The following NRP1 variants were observed in gnomAD, a reference collection of about 807,000 sequenced individuals.
NRP1 encodes neuropilin 1.
A neutral mutation model predicts 106.7 loss-of-function variants in NRP1; 35 were observed. That is an observed-to-expected ratio of 0.33 (90% CI 0.25 to 0.43). NRP1 has a LOEUF of 0.43. Ranked by LOEUF, NRP1 falls within the 20% of genes least tolerant of loss-of-function variation. The pLI is 1.00. For synonymous variants in NRP1, 437 were observed against 417.9 expected (o/e 1.05, Z -0.56); for missense variants, 1,024 against 1,170.4 (o/e 0.87, Z 1.83).
chr10:33,326,431 C>T (rs1056089948), intron 2 of NRP1, among the ~76,000 whole-genome samples: 24 of 152,132 alleles, frequency 1.6e-4, no homozygotes, highest in African/African-American at 5.3e-4. Flanking sequence ...CACAAGTGTG[C>T]AGGATTTTGC....
intron 15 of NRP1, among the ~76,000 whole-genome samples, chr10:33,184,541 C>T (rs1053359089): frequency 1.3e-5 from 2 of 152,198 alleles, no homozygotes; most frequent in Admixed American, 6.5e-5. Context: ...TGTGTTACTA[C>T]ATGAAATACA....
intron 4 of NRP1, among the ~76,000 whole-genome samples, chr10:33,259,417 T>C (rs2133214173): frequency 6.6e-6 from 1 of 152,290 alleles, no homozygotes; most frequent in South Asian, 2.1e-4. Context: ...GCAATATTGA[T>C]CTGAGCGAGA....
At position 33,186,505 on chromosome 10, in the gene NRP1, CTG is replaced by C. The variant is rs1162380302; in HGVS notation, c.2063-19_2063-18del. On this transcript the variant is annotated intron_variant, in intron 13 of 16. Coordinates refer to ENST00000374867, the MANE Select transcript of NRP1 (RefSeq NM_003873.7). ...TGCCATCTCCTGCTGTGACAAAGAA[CTG>C]TGTTAGGGAGAGTGGCCAGGATTAC... 1 of 1,602,072 alleles carries C rather than the reference CTG, an allele frequency of 6.2e-7. No individual in the cohort carries two copies. The highest frequency in any genetic ancestry group is 8.5e-7 in the Non-Finnish European group (1 of 1,173,130).
chr10:33,182,833 GCACACACA>G (rs148435065), intron 15 of NRP1, 85 bp from the exon 16 acceptor site: 221 of 747,348 alleles, frequency 3.0e-4, no homozygotes, highest in African/African-American at 1.9e-3. Flanking sequence ...TTAGGTACAT[GCACACACA>G]CACACACACA....
At chr10:33,237,308 T>C (rs77906472) in intron 6 of NRP1, among the ~76,000 whole-genome samples, 10,674 of 152,042 alleles carry the variant, frequency 0.07, 556 homozygotes, top group African/African-American at 0.14. Flanking sequence ...AAGTGGGGCA[T>C]TATGGGATTC....
chr10:33,193,807 T>A (rs1836584704), intron 12 of NRP1, among the ~76,000 whole-genome samples: 1 of 152,130 alleles, frequency 6.6e-6, no homozygotes, highest in African/African-American at 2.4e-5. Flanking sequence ...TAAGAATGAT[T>A]TACTTTGCAT....
chr10:33,204,652 G>GA (rs901144528), intron 10 of NRP1, among the ~76,000 whole-genome samples: 65 of 149,414 alleles, frequency 4.4e-4, no homozygotes, highest in Non-Finnish European at 7.9e-4. Context: ...AGATTCAACG[G>GA]AAAAAAAAAG....
intron 6 of NRP1, 77 bp from the exon 7 acceptor site, chr10:33,226,366 C>A: frequency 1.3e-6 from 2 of 1,529,820 alleles, no homozygotes. Flanking sequence ...CCTGTGGGCT[C>A]CACGTTGTGG....
chr10:33,204,443 G>A lies in NRP1; in HGVS notation c.1760-1448C>T, dbSNP rs1287177050. On this transcript the variant is annotated intron_variant, in intron 10 of 16. Transcript: ENST00000374867. ...ACCCGAATTCTGGCCTGTATTTATT[G>A]CTCTTGCTGAAACAGTAGTATCTCC... 2.0e-5 allele frequency among the ~76,000 whole-genome samples: 3 copies of A among 152,262 alleles called. No homozygotes were observed. The East Asian group carries it at 5.8e-4, about 29-fold the overall frequency.
chr10:33,193,234 G>T (rs1452241717), intron 12 of NRP1, among the ~76,000 whole-genome samples: 1 of 152,026 alleles, frequency 6.6e-6, no homozygotes, highest in Non-Finnish European at 1.5e-5. Context: ...GCCCTACAAG[G>T]TGCTGTTGGA....
intron 12 of NRP1, among the ~76,000 whole-genome samples, chr10:33,192,859 A>G (rs1479703550): frequency 2.0e-5 from 3 of 152,224 alleles, no homozygotes; most frequent in Admixed American, 6.5e-5. Context: ...TCAAAAGTGG[A>G]AAGTAACTTG....
At chr10:33,316,918 G>A (rs1847079385) in intron 2 of NRP1, among the ~76,000 whole-genome samples, 1 of 152,182 alleles carries the variant, frequency 6.6e-6, no homozygotes, top group African/African-American at 2.4e-5. Flanking sequence ...GTGGAGTTCT[G>A]AACTGCAGTC....
chr10:33,256,403 G>T lies in NRP1; in HGVS notation c.727C>A (p.Leu243Ile). The T allele has an allele frequency of 6.2e-7, 1 of 1,614,202 alleles. No homozygotes were observed. The highest frequency in any genetic ancestry group is 8.5e-7 in the Non-Finnish European group (1 of 1,180,026). The change falls in exon 5 of 17, where the codon CTC becomes ATC. Residue 243 changes from leucine (L) to isoleucine (I), a missense_variant. Around this residue, in one of 5 missense-constraint regions of NRP1, gnomAD observed 279 missense variants for 327.4 expected, o/e 0.85. Coordinates refer to ENST00000374867, the MANE Select transcript of NRP1 (RefSeq NM_003873.7). ...CTGTCGGTGTAAAAAACCATGGAGAGAATGCCCGATGAGGATCGGATTCGA... is the reference window on the plus strand; with the variant it reads ...CTGTCGGTGTAAAAAACCATGGAGATAATGCCCGATGAGGATCGGATTCGA... ...PGRIRSSSGI[L>I]SMVFYTDSAI...
intron 15 of NRP1, 56 bp from the exon 16 acceptor site, chr10:33,182,804 C>A: frequency 1.7e-6 from 2 of 1,177,146 alleles, no homozygotes; most frequent in South Asian, 1.2e-5. Context: ...AAATATAATG[C>A]ACCAAACTAC....
At chr10:33,301,396 G>A (rs966983542) in intron 2 of NRP1, among the ~76,000 whole-genome samples, 1 of 152,218 alleles carries the variant, frequency 6.6e-6, no homozygotes, top group Admixed American at 6.5e-5. Flanking sequence ...AATGCCATAT[G>A]TGAGCAACTT....
intron 13 of NRP1, among the ~76,000 whole-genome samples, chr10:33,187,624 C>T (rs1411314141): frequency 6.6e-6 from 1 of 152,104 alleles, no homozygotes; most frequent in Non-Finnish European, 1.5e-5. Flanking sequence ...GGAACATTTC[C>T]TCCTGCCACC....
intron 2 of NRP1, among the ~76,000 whole-genome samples, chr10:33,323,798 TTA>T (rs1847696282): frequency 6.6e-6 from 1 of 152,208 alleles, no homozygotes; most frequent in Non-Finnish European, 1.5e-5. Flanking sequence ...TTAGCTTCCT[TTA>T]CACACACATA....
At chr10:33,204,733 T>A (rs1303854452) in intron 10 of NRP1, among the ~76,000 whole-genome samples, 2 of 152,174 alleles carry the variant, frequency 1.3e-5, no homozygotes, top group East Asian at 3.9e-4. Context: ...GTTCTTTATT[T>A]CTTTTTTCTT....
At chr10:33,190,888 C>T (rs1185317426) in intron 13 of NRP1, among the ~76,000 whole-genome samples, 1 of 151,708 alleles carries the variant, frequency 6.6e-6, no homozygotes, top group East Asian at 1.9e-4. Flanking sequence ...GGTTCTAATT[C>T]TGTCACCCAG....
Sources: allele counts gnomAD v4.1 joint callset (sites outside exome capture counted in the v4.1 genomes callset), GRCh38; gene constraint gnomAD v4.1.1; regional missense constraint gnomAD v4.1.1; transcripts MANE v1.5; gene names NCBI Gene and HGNC (gene_info 2026-07-23, HGNC 2026-07-21).